The following SCLT1 variants were observed in gnomAD, a reference collection of about 807,000 sequenced individuals.
The protein encoded by SCLT1 is sodium channel-associated protein 1.
A neutral mutation model predicts 112.8 loss-of-function variants in SCLT1; 78 were observed. That is an observed-to-expected ratio of 0.69 (90% CI 0.58 to 0.83). SCLT1 has a LOEUF of 0.83. Among genes scored for constraint, SCLT1 ranks in the 40% least tolerant of loss-of-function variants. The pLI is 0.00. For missense variants in SCLT1, 747 were observed against 770.4 expected (o/e 0.97, Z 0.36); for synonymous variants, 257 against 254.7 (o/e 1.01, Z -0.09).
chr4:129,079,222 C>T (rs533725668), intron 2 of SCLT1, among the ~76,000 whole-genome samples: 175 of 152,260 alleles, frequency 1.1e-3, no homozygotes, highest in Non-Finnish European at 2.0e-3. Flanking sequence ...AATCGTCCCT[C>T]CTCAACAGTC....
Position 128,891,215 on chromosome 4 carries a change from T to C in SCLT1, c.1830-78A>G, listed in dbSNP as rs1467585127. 3.7e-6 allele frequency: 4 copies of C among 1,089,468 alleles called. No homozygotes were observed. The African/African-American group carries it at 6.3e-5, about 17-fold the overall frequency. 67.5% of individuals were successfully genotyped at this position (1,089,468 alleles called of 1,614,324 possible). ...GAATCTTTATTAGCAAGATACATGT[T>C]CATGATTTGAACAAAAATATCATCT... On this transcript the variant is annotated intron_variant, in intron 18 of 20. Transcript: ENST00000281142.
chr4:128,886,135 T>C (rs910658965), intron 20 of SCLT1, among the ~76,000 whole-genome samples: 1 of 152,232 alleles, frequency 6.6e-6, no homozygotes, highest in Non-Finnish European at 1.5e-5. Context: ...TTTGTGTTCT[T>C]GCATTGAAAG....
At position 129,093,079 on chromosome 4, in the gene SCLT1, T is replaced by A. The variant is rs1298297561; in HGVS notation, c.25A>T (p.Arg9Ter). 1.2e-5 allele frequency: 19 copies of A among 1,612,024 alleles called. No homozygotes were observed. The highest frequency in any genetic ancestry group is 1.6e-5 in the Non-Finnish European group (19 of 1,177,992). The stretch of plus-strand genomic sequence containing the variant: ...AAAACATGGAGCTTACTTTGCTCTC[T>A]CAGAAAGTCGATTTCTGCAGCCATT... MAAEIDFL[R>*]EQNRRLNEDF... The change falls in exon 1 of 21, where the codon AGA (arginine) becomes TGA (stop). Residue 9 changes from arginine (R) to a stop codon, truncating the protein, a stop_gained. Coordinates refer to ENST00000281142, the MANE Select transcript of SCLT1 (RefSeq NM_144643.4). LOFTEE classifies it high-confidence loss of function.
At chr4:129,086,573 T>C (rs1752413899) in intron 1 of SCLT1, among the ~76,000 whole-genome samples, 1 of 152,244 alleles carries the variant, frequency 6.6e-6, no homozygotes, top group East Asian at 1.9e-4. Context: ...GGTTCAGCTA[T>C]CTATAGGTAC....
At chr4:128,993,270 A>T (rs1473317470) in intron 8 of SCLT1, among the ~76,000 whole-genome samples, 7 of 152,060 alleles carry the variant, frequency 4.6e-5, no homozygotes, top group African/African-American at 1.7e-4. Flanking sequence ...TTTAAATATT[A>T]AAGTGTAGGT....
chr4:129,051,510 T>C (rs977937939), intron 2 of SCLT1, among the ~76,000 whole-genome samples: 2 of 152,242 alleles, frequency 1.3e-5, no homozygotes, highest in African/African-American at 2.4e-5. Context: ...AGTTCACTTA[T>C]GATTTGGCTC....
At chr4:128,903,097 G>A (rs1011913281) in intron 18 of SCLT1, among the ~76,000 whole-genome samples, 1 of 151,966 alleles carries the variant, frequency 6.6e-6, no homozygotes, top group Non-Finnish European at 1.5e-5. Flanking sequence ...ACATGTAGGA[G>A]TATGCTCTAA....
intron 2 of SCLT1, among the ~76,000 whole-genome samples, chr4:129,078,930 A>G (rs781510698): frequency 5.7e-4 from 86 of 152,174 alleles, no homozygotes; most frequent in African/African-American, 2.0e-3. Flanking sequence ...GCAGAAGGTG[A>G]AGGGAAAGAA....
chr4:129,081,240 T>A (rs1033202738), intron 2 of SCLT1, among the ~76,000 whole-genome samples: 28 of 152,314 alleles, frequency 1.8e-4, no homozygotes, highest in African/African-American at 6.5e-4. Context: ...AGCCTTTTCC[T>A]CATCCCTTCC....
intron 2 of SCLT1, among the ~76,000 whole-genome samples, chr4:129,064,612 G>A (rs1038627225): frequency 6.6e-6 from 1 of 152,170 alleles, no homozygotes; most frequent in Middle Eastern, 3.4e-3. Flanking sequence ...ACAGTTAGAG[G>A]AATAAGGAAA....
At chr4:129,024,848 G>T (rs13134049) in intron 5 of SCLT1, among the ~76,000 whole-genome samples, 3,830 of 152,194 alleles carry the variant, frequency 0.025, 75 homozygotes, top group Middle Eastern at 0.051. Flanking sequence ...ACAGAGAAGT[G>T]CTTAAAGGAG....
At position 129,083,139 on chromosome 4, in the gene SCLT1, C is replaced by T. The variant is rs111949354; in HGVS notation, c.35-766G>A. 3.1e-4 allele frequency among the ~76,000 whole-genome samples: 39 copies of T among 125,210 alleles called. 1 individual carries two copies. Among genetic ancestry groups the T allele is most frequent in the African/African-American group, 1.1e-3 (37 of 34,422 alleles). 82.1% of individuals were successfully genotyped at this position (125,210 alleles called of 152,430 possible). Reference sequence around the variant, plus strand: ...CCGGGAGGCAGAAGTTGCAGTGAGCCAAGATCGCACCACTGCACCCCAGCC... The same window carrying T: ...CCGGGAGGCAGAAGTTGCAGTGAGCTAAGATCGCACCACTGCACCCCAGCC... On this transcript the variant is annotated intron_variant, in intron 1 of 20. Transcript: ENST00000281142.
chr4:128,909,882 T>C (rs1248894845), intron 18 of SCLT1, among the ~76,000 whole-genome samples: 3 of 152,176 alleles, frequency 2.0e-5, no homozygotes, highest in African/African-American at 7.2e-5. Flanking sequence ...GAAAAATCTG[T>C]AGGCAACAAT....
intron 5 of SCLT1, among the ~76,000 whole-genome samples, chr4:129,026,172 A>T (rs1033995188): frequency 2.0e-5 from 3 of 152,100 alleles, no homozygotes; most frequent in African/African-American, 7.2e-5. Context: ...ATATCCAGGA[A>T]TTGAACTCAG....
chr4:129,003,660 A>G, intron 6 of SCLT1, 81 bp downstream of exon 6: 4 of 1,076,436 alleles, frequency 3.7e-6, no homozygotes, highest in Non-Finnish European at 5.4e-6. Flanking sequence ...TTATTTTGTT[A>G]TCCATAAATA....
intron 18 of SCLT1, among the ~76,000 whole-genome samples, chr4:128,917,549 T>C (rs533663169): frequency 1.3e-5 from 2 of 152,146 alleles, no homozygotes; most frequent in Admixed American, 1.3e-4. Context: ...ACAATAATTA[T>C]TGGAAGCCAA....
chr4:129,081,837 CT>C (rs1413860159), intron 2 of SCLT1, among the ~76,000 whole-genome samples: 4 of 152,172 alleles, frequency 2.6e-5, no homozygotes, highest in African/African-American at 4.8e-5. Context: ...CATTACCTTC[CT>C]TTTAATATTC....
intron 5 of SCLT1, among the ~76,000 whole-genome samples, chr4:129,022,058 G>C (rs567530178): frequency 1.2e-3 from 181 of 152,206 alleles, no homozygotes; most frequent in Non-Finnish European, 1.7e-3. Context: ...GCAGAAGAGG[G>C]GCCTGTTAGA....
At chr4:129,022,397 G>T (rs962344452) in intron 5 of SCLT1, among the ~76,000 whole-genome samples, 1 of 152,182 alleles carries the variant, frequency 6.6e-6, no homozygotes, top group African/African-American at 2.4e-5. Flanking sequence ...TAGGAACCTT[G>T]ACAAAAGTTT....
Sources: gnomAD v4.1 joint callset for allele counts (sites outside exome capture counted in the v4.1 genomes callset) on GRCh38, gnomAD v4.1.1 for gene constraint, MANE v1.5 for transcripts, NCBI Gene and HGNC (gene_info 2026-07-23, HGNC 2026-07-21) for gene names.